Variants in TNIK observed in about 807,000 individuals in gnomAD.
The protein encoded by TNIK is TRAF2 and NCK-interacting protein kinase.
TNIK carries 49 observed loss-of-function variants against 191.3 expected under a neutral mutation model. That is an observed-to-expected ratio of 0.26 (90% CI 0.20 to 0.32). The LOEUF (loss-of-function observed/expected upper bound fraction) is 0.32. Among genes scored for constraint, TNIK ranks in the 10% least tolerant of loss-of-function variants. TNIK has a pLI of 1.00. For missense variants in TNIK, 1,155 were observed against 1,702.3 expected (o/e 0.68, Z 5.66); for synonymous variants, 594 against 600.9 (o/e 0.99, Z 0.17).
chr3:171,123,553 G>T (rs926734214), intron 18 of TNIK, 43 bp downstream of exon 18: 2 of 1,446,982 alleles, frequency 1.4e-6, no homozygotes, highest in Non-Finnish European at 1.9e-6. Context: ...GACAATGGTG[G>T]GTAGGAGTTT....
rs148739122 is a variant in TNIK at position 171,142,750 on chromosome 3, A to C, written c.1222-2241T>G. On this transcript the variant is annotated intron_variant, in intron 12 of 32. Transcript: ENST00000436636. The stretch of plus-strand genomic sequence containing the variant: ...ACAGACCCAAAACAGAGACATTTCC[A>C]ATACTCAACCAAAGTGAATCAGTGC... Among the ~76,000 whole-genome samples the C allele has an allele frequency of 3.5e-3, 538 of 152,370 alleles. 6 individuals are homozygous for C. The highest frequency in any genetic ancestry group is 0.012 in the African/African-American group (508 of 41,578).
intron 2 of TNIK, among the ~76,000 whole-genome samples, chr3:171,244,949 G>T (rs1295338508): frequency 6.6e-6 from 1 of 152,004 alleles, no homozygotes; most frequent in African/African-American, 2.4e-5. Flanking sequence ...TGAAGCTACT[G>T]AAAAAGATTT....
intron 18 of TNIK, among the ~76,000 whole-genome samples, chr3:171,114,885 G>A (rs975386167): frequency 6.6e-6 from 1 of 152,150 alleles, no homozygotes; most frequent in African/African-American, 2.4e-5. Flanking sequence ...AATGATAAAT[G>A]TGTAATAGCT....
intron 12 of TNIK, among the ~76,000 whole-genome samples, chr3:171,145,088 CTT>C (rs71176594): frequency 7.8e-4 from 104 of 132,614 alleles, no homozygotes; most frequent in Admixed American, 8.3e-4. Context: ...CTATCTCTCT[CTT>C]TTTTTTTTTT....
intron 21 of TNIK, among the ~76,000 whole-genome samples, chr3:171,106,271 T>G (rs1724865857): frequency 6.6e-6 from 1 of 152,146 alleles, no homozygotes; most frequent in Non-Finnish European, 1.5e-5. Flanking sequence ...TCCTAAACAA[T>G]CTTGTAAGTG....
chr3:171,261,061 CG>C (rs1747547067), intron 2 of TNIK, among the ~76,000 whole-genome samples: 2 of 152,160 alleles, frequency 1.3e-5, no homozygotes, highest in Admixed American at 6.5e-5. Context: ...GAGATTTTGT[CG>C]GCTCTCCTTT....
intron 3 of TNIK, among the ~76,000 whole-genome samples, chr3:171,222,226 G>A (rs1742433599): frequency 6.6e-6 from 1 of 152,112 alleles, no homozygotes; most frequent in Admixed American, 6.6e-5. Flanking sequence ...TAAGATGTCT[G>A]TGGAGAGTGT....
At chr3:171,453,089 C>T (rs1180500527) in intron 1 of TNIK, among the ~76,000 whole-genome samples, 1 of 152,192 alleles carries the variant, frequency 6.6e-6, no homozygotes, top group Non-Finnish European at 1.5e-5. Flanking sequence ...CTCTACATAG[C>T]ACCACCTCCA....
Position 171,063,753 on chromosome 3 carries a change from G to A in TNIK, c.*128C>T. On this transcript the variant is annotated 3_prime_UTR_variant, in exon 33 of 33. Transcript: ENST00000436636. Reference sequence around the variant, plus strand: ...TGTACTGGGAGGGGCGGAGGGAGAGGAAAAAGGGAAAGCGATATGTTCAAC... The same window carrying A: ...TGTACTGGGAGGGGCGGAGGGAGAGAAAAAAGGGAAAGCGATATGTTCAAC... 1.1e-6 allele frequency: 1 copy of A among 887,792 alleles called. No individual in the cohort carries two copies. Among genetic ancestry groups the A allele is most frequent in the South Asian group, 1.8e-5 (1 of 56,278 alleles). The allele number at this position is 887,792 out of a possible 1,614,324, so 55.0% of individuals were successfully genotyped here.
At chr3:171,263,248 T>C (rs1310684542) in intron 2 of TNIK, among the ~76,000 whole-genome samples, 1 of 152,208 alleles carries the variant, frequency 6.6e-6, no homozygotes, top group Admixed American at 6.5e-5. Flanking sequence ...GTGATGCTAC[T>C]TGTAAAAAAA....
chr3:171,264,932 C>T (rs1010001859), intron 2 of TNIK, among the ~76,000 whole-genome samples: 8 of 152,142 alleles, frequency 5.3e-5, no homozygotes, highest in African/African-American at 1.4e-4. Context: ...TAGTGGGTGG[C>T]GGGGCTCCCT....
chr3:171,304,806 A>G (rs1362707289), intron 2 of TNIK, among the ~76,000 whole-genome samples: 1 of 152,062 alleles, frequency 6.6e-6, no homozygotes, highest in South Asian at 2.1e-4. Context: ...GGAATTGAAC[A>G]ATGAGAACAC....
chr3:171,219,327 T>C (rs1326783931), intron 3 of TNIK, among the ~76,000 whole-genome samples: 1 of 145,572 alleles, frequency 6.9e-6, no homozygotes, highest in Admixed American at 7.1e-5. Flanking sequence ...TGTATATATA[T>C]AATGATATAT....
intron 3 of TNIK, among the ~76,000 whole-genome samples, chr3:171,222,137 A>T (rs1034638505): frequency 2.0e-5 from 3 of 152,282 alleles, no homozygotes; most frequent in Admixed American, 6.5e-5. Context: ...CAGTAAGGAG[A>T]TGAGTGGAAT....
chr3:171,360,211 C>A (rs891963027), intron 2 of TNIK, among the ~76,000 whole-genome samples: 2 of 152,252 alleles, frequency 1.3e-5, no homozygotes, highest in South Asian at 4.2e-4. Context: ...TAAAACCTTG[C>A]GGCTCTGAAT....
intron 4 of TNIK, among the ~76,000 whole-genome samples, chr3:171,197,485 A>G (rs1560248503): frequency 6.6e-6 from 1 of 151,496 alleles, no homozygotes; most frequent in Non-Finnish European, 1.5e-5. Context: ...GAATGGGAAA[A>G]GTATTTGCAA....
chr3:171,195,825 G>A (rs1738615191), intron 4 of TNIK, among the ~76,000 whole-genome samples: 1 of 152,066 alleles, frequency 6.6e-6, no homozygotes, highest in South Asian at 2.1e-4. Context: ...TTTGGGAAGT[G>A]CCACAAGTAG....
intron 2 of TNIK, among the ~76,000 whole-genome samples, chr3:171,233,703 G>T: frequency 6.6e-6 from 1 of 152,232 alleles, no homozygotes; most frequent in East Asian, 1.9e-4. Flanking sequence ...CTTGGGAATA[G>T]ATTGGATATG....
intron 2 of TNIK, among the ~76,000 whole-genome samples, chr3:171,319,417 A>G (rs571763388): frequency 2.9e-4 from 44 of 152,206 alleles, no homozygotes; most frequent in Admixed American, 2.7e-3. Flanking sequence ...TTTTCCCCTT[A>G]CTGATAAATT....
Sources: gnomAD v4.1 joint callset for allele counts (sites outside exome capture counted in the v4.1 genomes callset) on GRCh38, gnomAD v4.1.1 for gene constraint, MANE v1.5 for transcripts, NCBI Gene and HGNC (gene_info 2026-07-23, HGNC 2026-07-21) for gene names.